Variants in CLGN observed in about 807,000 individuals in gnomAD.
CLGN encodes the protein testis tissue sperm-binding protein Li 79P.
CLGN carries 62 observed loss-of-function variants against 79.1 expected under a neutral mutation model. That is an observed-to-expected ratio of 0.78 (90% CI 0.64 to 0.97). CLGN has a LOEUF of 0.97. CLGN is among the 50% of genes least tolerant of loss of function. The pLI, the probability that CLGN is intolerant of heterozygous loss-of-function variation, is 0.00. For missense variants in CLGN, 647 were observed against 715.5 expected (o/e 0.90, Z 1.09); for synonymous variants, 225 against 224.7 (o/e 1.00, Z -0.01).
rs371306872 is a variant in CLGN at position 140,405,998 on chromosome 4, T to C, written c.363A>G (p.Ala121=). The C allele has an allele frequency of 1.2e-6, 2 of 1,613,470 alleles. No homozygotes were observed. Among genetic ancestry groups the C allele is most frequent in the Non-Finnish European group, 1.7e-6 (2 of 1,179,742 alleles). ...ATGGTTTTGCTAATACAGCAGATATTGCATGATGCTTTGCTCTAGATTTTA... is the reference window on the plus strand; with the variant it reads ...ATGGTTTTGCTAATACAGCAGATATCGCATGATGCTTTGCTCTAGATTTTA... ...LVLKSRAKHH[A]ISAVLAKPFI... The change falls in exon 5 of 15, where the codon GCA becomes GCG. Residue 121 remains alanine, a synonymous_variant. Transcript: ENST00000325617.
chr4:140,423,822 C>T (rs1201452980), intron 1 of CLGN, among the ~76,000 whole-genome samples: 2 of 152,136 alleles, frequency 1.3e-5, no homozygotes, highest in African/African-American at 4.8e-5. Flanking sequence ...AATCCTTCAG[C>T]GTATTCTCTT....
intron 8 of CLGN, among the ~76,000 whole-genome samples, chr4:140,396,887 ATATG>A (rs1481844905): frequency 3.2e-4 from 19 of 60,278 alleles, no homozygotes; most frequent in African/African-American, 1.5e-3. Context: ...ATATATATAT[ATATG>A]TATATATATA....
At chr4:140,413,152 T>G in intron 1 of CLGN, 65 bp from the exon 2 acceptor site, 5 of 1,227,646 alleles carry the variant, frequency 4.1e-6, no homozygotes, top group Non-Finnish European at 5.8e-6. Context: ...TAAGTATATG[T>G]AGAAATAAAT....
chr4:140,392,219 C>T lies in CLGN; in HGVS notation c.1651G>A (p.Glu551Lys). ...TTATAAATCACTCTCATCATCTTAC[C>T]TTTTTCAAGCATTTCACCATCATTT... ...KQNDGEMLEK[E>K]EESEPEEKSE... Residue 551 changes from glutamate (E) to lysine (K), a missense_variant and splice_region_variant, in exon 13 of 15, where the codon GAA (glutamate) becomes AAA (lysine). Glu to Lys is a moderately conservative substitution (Grantham distance 56, BLOSUM62 1). Transcript: ENST00000325617. The T allele has an allele frequency of 9.9e-6, 16 of 1,611,882 alleles. No individual in the cohort carries two copies. Among genetic ancestry groups the T allele is most frequent in the East Asian group, 2.2e-5 (1 of 44,810 alleles).
At chr4:140,419,330 G>A (rs1729414455) in intron 1 of CLGN, among the ~76,000 whole-genome samples, 1 of 151,932 alleles carries the variant, frequency 6.6e-6, no homozygotes, top group African/African-American at 2.4e-5. Flanking sequence ...ATGTGCACAT[G>A]TACCCTAAAA....
intron 8 of CLGN, among the ~76,000 whole-genome samples, chr4:140,397,294 T>C (rs1054224400): frequency 5.9e-5 from 9 of 152,088 alleles, no homozygotes; most frequent in African/African-American, 2.2e-4. Flanking sequence ...TGAAAAATGG[T>C]ATCTCACTGA....
chr4:140,401,957 G>A, intron 6 of CLGN, 28 bp downstream of exon 6: 2 of 1,213,816 alleles, frequency 1.6e-6, no homozygotes, highest in South Asian at 1.4e-5. Context: ...ACTTTAATAA[G>A]GTTTTCTTAA....
At chr4:140,405,179 A>ATTTTTTTTTTTTTTT (rs1040656727) in intron 5 of CLGN, among the ~76,000 whole-genome samples, 3 of 111,312 alleles carry the variant, frequency 2.7e-5, no homozygotes, top group African/African-American at 1.1e-4. Context: ...TTTTATTTTT[A>ATTTTTTTTTTTTTTT]TTTTTTTTTT....
At chr4:140,396,256 C>A in intron 8 of CLGN, 51 bp from the exon 9 acceptor site, 1 of 1,327,278 alleles carries the variant, frequency 7.5e-7, no homozygotes, top group Non-Finnish European at 1.1e-6. Flanking sequence ...TTTAAAAATG[C>A]ATGTTACAAC....
chr4:140,397,903 CAAACAA>C (rs750914537), intron 8 of CLGN, among the ~76,000 whole-genome samples: 1 of 152,032 alleles, frequency 6.6e-6, no homozygotes, highest in Non-Finnish European at 1.5e-5. Context: ...GATTCCATCT[CAAACAA>C]AAACAAAAAC....
rs80176720 is a variant in CLGN, at chr4:140,402,006, T to C, written c.480A>G (p.Ala160=). 1.3e-6 allele frequency: 2 copies of C among 1,572,694 alleles called. No homozygotes were observed. The highest frequency in any genetic ancestry group is 1.4e-5 in the African/African-American group (1 of 73,332). The change falls in exon 6 of 15, where the codon GCA becomes GCG. Residue 160 remains alanine (A), a synonymous_variant. Coordinates refer to ENST00000325617, the MANE Select transcript of CLGN (RefSeq NM_004362.3). ...ATACCAGAATCAAATCATCAGTGTCTGCTAGGAGTTTAATGTATGCACCTC... is the reference window on the plus strand; with the variant it reads ...ATACCAGAATCAAATCATCAGTGTCCGCTAGGAGTTTAATGTATGCACCTC... ...DCGGAYIKLL[A]DTDDLILENF... is the part of the protein sequence containing the mutation.
intron 1 of CLGN, among the ~76,000 whole-genome samples, chr4:140,422,610 T>C (rs1375065672): frequency 5.9e-5 from 9 of 152,188 alleles, no homozygotes; most frequent in Non-Finnish European, 2.9e-5. Flanking sequence ...CCTGCAACTT[T>C]AGTGAATTCA....
intron 10 of CLGN, 94 bp from the exon 11 acceptor site, chr4:140,394,135 G>A: frequency 4.9e-6 from 4 of 813,328 alleles, no homozygotes; most frequent in Non-Finnish European, 7.7e-6. Flanking sequence ...AATTCGCAAT[G>A]CTAACTGGAA....
At chr4:140,413,452 A>C (rs1253828888) in intron 1 of CLGN, among the ~76,000 whole-genome samples, 30 of 152,210 alleles carry the variant, frequency 2.0e-4, no homozygotes, top group Admixed American at 2.0e-3. Context: ...TACTGGGTTC[A>C]TCTCACTAGG....
At chr4:140,390,504 G>T in intron 14 of CLGN, 124 bp downstream of exon 14, 1 of 522,992 alleles carries the variant, frequency 1.9e-6, no homozygotes, top group Non-Finnish European at 3.3e-6. Context: ...AAACAATATA[G>T]AGGCTCTTAT....
At chr4:140,415,546 C>G (rs1729311634) in intron 1 of CLGN, among the ~76,000 whole-genome samples, 1 of 152,082 alleles carries the variant, frequency 6.6e-6, no homozygotes, top group African/African-American at 2.4e-5. Flanking sequence ...GCAGGGGCTG[C>G]AATCCTAGTC....
chr4:140,403,007 T>C (rs988906003), intron 5 of CLGN, among the ~76,000 whole-genome samples: 4 of 152,154 alleles, frequency 2.6e-5, no homozygotes, highest in African/African-American at 7.2e-5. Flanking sequence ...CATGATAGTA[T>C]ACAAAATTTT....
intron 1 of CLGN, among the ~76,000 whole-genome samples, chr4:140,420,401 C>G (rs989597734): frequency 2.6e-5 from 4 of 152,094 alleles, no homozygotes; most frequent in African/African-American, 9.7e-5. Context: ...CATCAAAGAA[C>G]TAGCTAATTT....
At chr4:140,410,532 T>G (rs770710749) in intron 3 of CLGN, 21 bp downstream of exon 3, 87 of 1,525,722 alleles carry the variant, frequency 5.7e-5, no homozygotes, top group Non-Finnish European at 6.2e-5. Flanking sequence ...AAAGAAAACA[T>G]TCTCTTGAAT....
Sources: allele counts gnomAD v4.1 joint callset (sites outside exome capture counted in the v4.1 genomes callset), GRCh38; gene constraint gnomAD v4.1.1; transcripts MANE v1.5; gene names NCBI Gene and HGNC (gene_info 2026-07-23, HGNC 2026-07-21).